The following ELAPOR2 variants were observed in gnomAD, a reference collection of about 807,000 sequenced individuals.
The protein encoded by ELAPOR2 is endosome-lysosome associated apoptosis and autophagy regulator family member 2, also known as endosome/lysosome-associated apoptosis and autophagy regulator family member 2.
Under a neutral mutation model 120.7 loss-of-function variants are expected in ELAPOR2, and 89 were observed. The ratio of observed to expected loss-of-function variants is 0.74; its 90% CI spans 0.62 to 0.88. The LOEUF (loss-of-function observed/expected upper bound fraction) is 0.88, where lower values mean the gene tolerates loss of function less well. ELAPOR2 is among the 40% of genes least tolerant of loss of function. ELAPOR2 has a pLI of 0.00. For synonymous variants in ELAPOR2, 444 were observed against 444.9 expected, an observed-to-expected ratio of 1.00 and a Z score of 0.03; for missense variants, 1,134 against 1,251.6, an observed-to-expected ratio of 0.91 and a Z score of 1.42.
intron 1 of ELAPOR2, among the ~76,000 whole-genome samples, chr7:87,020,430 T>C (rs920504686): frequency 3.9e-5 from 6 of 152,070 alleles, no homozygotes; most frequent in African/African-American, 9.7e-5. Context: ...TAAAATGAAA[T>C]ATTTTTCAGA....
intron 1 of ELAPOR2, among the ~76,000 whole-genome samples, chr7:86,981,615 AC>A (rs1207862070): frequency 1.3e-5 from 2 of 152,164 alleles, no homozygotes; most frequent in African/African-American, 2.4e-5. Flanking sequence ...CAACTAATGA[AC>A]CGCTAGTCAT....
intron 1 of ELAPOR2, among the ~76,000 whole-genome samples, chr7:87,010,805 T>C (rs1403794916): frequency 6.6e-6 from 1 of 151,986 alleles, no homozygotes; most frequent in African/African-American, 2.4e-5. Flanking sequence ...ATAGTTTCAA[T>C]CTGAGGTTGG....
At chr7:86,956,093 A>T (rs1433241331) in intron 2 of ELAPOR2, among the ~76,000 whole-genome samples, 1 of 152,194 alleles carries the variant, frequency 6.6e-6, no homozygotes, top group African/African-American at 2.4e-5. Context: ...CTGAAGTAAC[A>T]GATGCAAAGC....
intron 7 of ELAPOR2, 69 bp from the exon 8 acceptor site, chr7:86,938,283 C>T (rs920765128): frequency 2.5e-5 from 31 of 1,219,636 alleles, no homozygotes; most frequent in Non-Finnish European, 3.3e-5. Flanking sequence ...GGCAAAAAAG[C>T]AAAACAGAAA....
chr7:87,011,885 C>G (rs764413777), intron 1 of ELAPOR2, among the ~76,000 whole-genome samples: 1 of 152,084 alleles, frequency 6.6e-6, no homozygotes, highest in Non-Finnish European at 1.5e-5. Context: ...GAAATATAAG[C>G]TATAAATGCA....
At chr7:87,034,128 C>T (rs924622885) in intron 1 of ELAPOR2, among the ~76,000 whole-genome samples, 2 of 152,012 alleles carry the variant, frequency 1.3e-5, no homozygotes, top group African/African-American at 4.8e-5. Flanking sequence ...CATATGTGTA[C>T]ACTGATAATG....
At chr7:87,048,327 C>A (rs545104947) in intron 1 of ELAPOR2, among the ~76,000 whole-genome samples, 1 of 151,854 alleles carries the variant, frequency 6.6e-6, no homozygotes, top group Admixed American at 6.6e-5. Flanking sequence ...CTGTCATTTG[C>A]AACAACATGG....
At chr7:86,999,936 C>G (rs941843061) in intron 1 of ELAPOR2, among the ~76,000 whole-genome samples, 5 of 152,040 alleles carry the variant, frequency 3.3e-5, no homozygotes, top group African/African-American at 4.8e-5. Context: ...AATGTCAACA[C>G]CTAGAAAAGA....
At chr7:86,938,786 G>T (rs1403005630) in intron 7 of ELAPOR2, 22 bp downstream of exon 7, 1 of 1,610,342 alleles carries the variant, frequency 6.2e-7, no homozygotes, top group Non-Finnish European at 8.5e-7. Flanking sequence ...AAAGAAAAAA[G>T]CAGAGTATAA....
intron 1 of ELAPOR2, among the ~76,000 whole-genome samples, chr7:87,053,492 C>T (rs1207360364): frequency 6.6e-6 from 1 of 151,990 alleles, no homozygotes. Flanking sequence ...TCCCTTTTTC[C>T]AGGTAAATGC....
intron 18 of ELAPOR2, among the ~76,000 whole-genome samples, chr7:86,903,856 A>G (rs1406001899): frequency 6.6e-6 from 1 of 152,222 alleles, no homozygotes; most frequent in East Asian, 1.9e-4. Flanking sequence ...AACTGGTGGC[A>G]TCAATAAAGA....
intron 2 of ELAPOR2, among the ~76,000 whole-genome samples, chr7:86,952,758 A>C (rs764943320): frequency 6.6e-6 from 1 of 152,198 alleles, no homozygotes; most frequent in Non-Finnish European, 1.5e-5. Flanking sequence ...AGCATTTAGC[A>C]TATTACCTGG....
At chr7:87,024,307 A>G (rs899956463) in intron 1 of ELAPOR2, among the ~76,000 whole-genome samples, 2 of 152,184 alleles carry the variant, frequency 1.3e-5, no homozygotes, top group East Asian at 3.8e-4. Context: ...CCTTTTCTGC[A>G]TCTATTGAGA....
At position 87,040,029 on chromosome 7, in the gene ELAPOR2, G is replaced by A. The variant is rs558506813; in HGVS notation, c.189+19296C>T. 7.2e-5 allele frequency among the ~76,000 whole-genome samples: 11 copies of A among 152,298 alleles called. 1 individual carries two copies. The South Asian group carries it at 2.3e-3, about 32-fold the overall frequency. On this transcript the variant is annotated intron_variant, in intron 1 of 21. Coordinates refer to ENST00000450689, the MANE Select transcript of ELAPOR2 (RefSeq NM_001142749.3). The stretch of plus-strand genomic sequence containing the variant: ...GTGACGGACGGCACCTGGAAAATCG[G>A]GTCACTCCCACTCGAATACTGCGCT...
intron 1 of ELAPOR2, among the ~76,000 whole-genome samples, chr7:87,041,887 C>T (rs1032732285): frequency 2.6e-5 from 4 of 151,822 alleles, no homozygotes; most frequent in African/African-American, 9.7e-5. Flanking sequence ...CAGAGACACA[C>T]ATAGGCTCAA....
chr7:87,034,047 G>T (rs1794502130), intron 1 of ELAPOR2, among the ~76,000 whole-genome samples: 1 of 152,086 alleles, frequency 6.6e-6, no homozygotes, highest in Non-Finnish European at 1.5e-5. Context: ...AGGGGAGTAA[G>T]TTCATGTCAT....
At chr7:86,880,764 A>T (rs1799361244) in intron 21 of ELAPOR2, among the ~76,000 whole-genome samples, 1 of 151,436 alleles carries the variant, frequency 6.6e-6, no homozygotes, top group South Asian at 2.1e-4. Flanking sequence ...ATAGAAGCAA[A>T]CCCATGATTG....
chr7:87,048,243 GAAAAAAAAA>G, intron 1 of ELAPOR2, among the ~76,000 whole-genome samples: 1 of 106,932 alleles, frequency 9.4e-6, no homozygotes, highest in Non-Finnish European at 2.0e-5. Context: ...ACTTCATCTA[GAAAAAAAAA>G]AAAAAGAAAA....
At chr7:87,039,820 G>A (rs541464375) in intron 1 of ELAPOR2, among the ~76,000 whole-genome samples, 63 of 152,332 alleles carry the variant, frequency 4.1e-4, no homozygotes, top group African/African-American at 1.3e-3. Context: ...CGTGAGCGAC[G>A]CAGAAGACGG....
Sources: allele counts gnomAD v4.1 joint callset (sites outside exome capture counted in the v4.1 genomes callset), GRCh38; gene constraint gnomAD v4.1.1; transcripts MANE v1.5; gene names NCBI Gene and HGNC (gene_info 2026-07-23, HGNC 2026-07-21).